Variants in KAZN observed in about 807,000 individuals in gnomAD.
KAZN encodes kazrin, periplakin interacting protein.
KAZN carries 40 observed loss-of-function variants against 87.4 expected under a neutral mutation model. The ratio of observed to expected loss-of-function variants is 0.46; its 90% CI spans 0.36 to 0.60. KAZN has a LOEUF of 0.60. Ranked by LOEUF, KAZN falls within the 20% of genes least tolerant of loss-of-function variation. KAZN has a pLI of 0.00. For missense variants in KAZN, 898 were observed against 1,073.9 expected (o/e 0.84, Z 2.29); for synonymous variants, 466 against 458.3 (o/e 1.02, Z -0.22).
In KAZN at chr1:14,377,799, A is replaced by G. The variant is rs539656992; in HGVS notation, c.249+197207A>G. Among the ~76,000 whole-genome samples the G allele has an allele frequency of 5.3e-5, 8 of 152,300 alleles. No homozygotes were observed. The East Asian group carries it at 1.4e-3, about 26-fold the overall frequency. On this transcript the variant is annotated intron_variant, in intron 2 of 16. Coordinates refer to the KAZN transcript ENST00000636203. ...GTCAGCATTTCTCAACTTCGGCACTATTCATTCTGCCAGCTCATTCTTTGT... is the reference window on the plus strand; with the variant it reads ...GTCAGCATTTCTCAACTTCGGCACTGTTCATTCTGCCAGCTCATTCTTTGT...
chr1:14,049,585 CCA>C (rs1642224092), intron 1 of KAZN, among the ~76,000 whole-genome samples: 1 of 152,154 alleles, frequency 6.6e-6, no homozygotes, highest in African/African-American at 2.4e-5. Context: ...TGCTTCTGCC[CCA>C]GTCTTCAACT....
chr1:14,889,511 G>T (rs1227034921), intron 1 of KAZN, among the ~76,000 whole-genome samples: 1 of 152,186 alleles, frequency 6.6e-6, no homozygotes, highest in Non-Finnish European at 1.5e-5. Context: ...CACAAACTGA[G>T]GCAGCTTCTG....
intron 1 of KAZN, among the ~76,000 whole-genome samples, chr1:14,028,874 T>C (rs1273874811): frequency 6.6e-6 from 1 of 152,122 alleles, no homozygotes; most frequent in Non-Finnish European, 1.5e-5. Flanking sequence ...AGTCTATCAT[T>C]GTTGGACATT....
At chr1:14,298,615 T>C (rs2100770891) in intron 2 of KAZN, among the ~76,000 whole-genome samples, 1 of 152,312 alleles carries the variant, frequency 6.6e-6, no homozygotes, top group Non-Finnish European at 1.5e-5. Context: ...TATTTTTAGT[T>C]TGCAGACTAA....
intron 2 of KAZN, among the ~76,000 whole-genome samples, chr1:14,451,348 G>C (rs749649736): frequency 6.6e-6 from 1 of 152,042 alleles, no homozygotes; most frequent in Non-Finnish European, 1.5e-5. Context: ...ACCTCAAAAA[G>C]GCAATCAGTA....
intron 1 of KAZN, among the ~76,000 whole-genome samples, chr1:14,739,889 C>T (rs1411725904): frequency 6.6e-6 from 1 of 152,100 alleles, no homozygotes; most frequent in Non-Finnish European, 1.5e-5. Context: ...GGGATTTCTA[C>T]AAGCAGAAAG....
intron 1 of KAZN, among the ~76,000 whole-genome samples, chr1:13,945,367 G>A (rs752355167): frequency 2.0e-5 from 3 of 151,794 alleles, no homozygotes; most frequent in African/African-American, 7.3e-5. Context: ...CCAGTTACTC[G>A]GGAAGCTGAG....
intron 2 of KAZN, among the ~76,000 whole-genome samples, chr1:14,371,067 G>A (rs1660440264): frequency 6.6e-6 from 1 of 152,180 alleles, no homozygotes; most frequent in Non-Finnish European, 1.5e-5. Flanking sequence ...AAAGAAGCTT[G>A]AGCCTCTAGC....
chr1:13,905,708 C>T (rs995464745), intron 1 of KAZN, among the ~76,000 whole-genome samples: 2 of 152,228 alleles, frequency 1.3e-5, no homozygotes, highest in East Asian at 3.8e-4. Flanking sequence ...ACAAGATAAG[C>T]AATTGCCTCC....
At chr1:14,509,103 GT>G (rs1288835917) in intron 2 of KAZN, among the ~76,000 whole-genome samples, 1 of 152,224 alleles carries the variant, frequency 6.6e-6, no homozygotes, top group Non-Finnish European at 1.5e-5. Flanking sequence ...TGTGTGAAGA[GT>G]TTAAACAGTC....
intron 1 of KAZN, among the ~76,000 whole-genome samples, chr1:14,957,417 G>A (rs554996584): frequency 1.1e-4 from 17 of 152,338 alleles, no homozygotes; most frequent in Admixed American, 5.2e-4. Context: ...CCGAGTGCCC[G>A]TGATGTGTCG....
intron 1 of KAZN, among the ~76,000 whole-genome samples, chr1:14,082,870 A>G (rs1051008175): frequency 5.3e-5 from 8 of 152,172 alleles, no homozygotes; most frequent in Non-Finnish European, 1.2e-4. Context: ...CACTTAATGA[A>G]CATTTACTAT....
intron 3 of KAZN, among the ~76,000 whole-genome samples, chr1:15,041,494 C>T (rs564385511): frequency 4.9e-4 from 75 of 151,818 alleles, no homozygotes; most frequent in African/African-American, 1.6e-3. Context: ...TGCACCACCA[C>T]GCCCAGCTAA....
chr1:14,765,852 A>G (rs549355375), intron 1 of KAZN, among the ~76,000 whole-genome samples: 5 of 152,326 alleles, frequency 3.3e-5, no homozygotes, highest in South Asian at 2.1e-4. Flanking sequence ...CTGGCAGTCC[A>G]TTGTGCTCAG....
chr1:14,257,301 AC>A (rs1365365245), intron 2 of KAZN, among the ~76,000 whole-genome samples: 3 of 148,392 alleles, frequency 2.0e-5, no homozygotes, highest in Non-Finnish European at 4.5e-5. Flanking sequence ...TCCTTCGCCC[AC>A]TTTTTGATGG....
At chr1:13,914,081 A>G (rs1462647907) in intron 1 of KAZN, among the ~76,000 whole-genome samples, 2 of 152,218 alleles carry the variant, frequency 1.3e-5, no homozygotes, top group Non-Finnish European at 2.9e-5. Context: ...AGGATTTGCA[A>G]CAACTAAAGA....
At position 14,343,331 on chromosome 1, in the gene KAZN, C is replaced by CAT. The variant is rs113605229; in HGVS notation, c.249+162739_249+162740insAT. Among the ~76,000 whole-genome samples, 1,006 of 152,290 alleles carry CAT rather than the reference C, an allele frequency of 6.6e-3. 9 individuals carry two copies. The highest frequency in any genetic ancestry group is 0.023 in the African/African-American group (957 of 41,554). The stretch of plus-strand genomic sequence containing the variant: ...AGAAAGACGATTTGAGTCCACTTCA[C>CAT]GTTTTCCTGCCACACTCAAGCAATT... On this transcript the variant is annotated intron_variant, in intron 2 of 16. Transcript: ENST00000636203.
intron 1 of KAZN, among the ~76,000 whole-genome samples, chr1:14,913,409 T>C (rs1657457034): frequency 6.6e-6 from 1 of 152,232 alleles, no homozygotes; most frequent in Non-Finnish European, 1.5e-5. Flanking sequence ...CAGTCCTTCC[T>C]ACGTATCTGT....
At chr1:14,569,885 G>A (rs1483583448) in intron 2 of KAZN, among the ~76,000 whole-genome samples, 1 of 151,506 alleles carries the variant, frequency 6.6e-6, no homozygotes, top group Non-Finnish European at 1.5e-5. Flanking sequence ...GGCCGAGGTG[G>A]GTGGATCACA....
Sources: allele counts gnomAD v4.1 joint callset (sites outside exome capture counted in the v4.1 genomes callset), GRCh38; gene constraint gnomAD v4.1.1; transcripts MANE v1.5; gene names NCBI Gene and HGNC (gene_info 2026-07-23, HGNC 2026-07-21).